Variants in GALNT7 observed in about 807,000 individuals in gnomAD.
GALNT7 encodes the protein N-acetylgalactosaminyltransferase 7.
GALNT7 carries 60 observed loss-of-function variants against 82.1 expected under a neutral mutation model. That is an observed-to-expected ratio of 0.73 (90% CI 0.59 to 0.91). The LOEUF is 0.91. GALNT7 is among the 40% of genes least tolerant of loss of function. The probability of loss-of-function intolerance (pLI) is 0.00; values close to 1 mark genes in which losing one functional copy is unlikely to be tolerated. For synonymous variants in GALNT7, 243 were observed against 275.1 expected (o/e 0.88, Z 1.15); for missense variants, 660 against 804.2 (o/e 0.82, Z 2.17).
chr4:173,257,036 A>T (rs1735062449), intron 2 of GALNT7, among the ~76,000 whole-genome samples: 1 of 152,230 alleles, frequency 6.6e-6, no homozygotes, highest in Non-Finnish European at 1.5e-5. Flanking sequence ...AAAACTCCAG[A>T]TGACTTCACT....
chr4:173,232,596 C>A (rs1468804901), intron 1 of GALNT7, among the ~76,000 whole-genome samples: 1 of 151,892 alleles, frequency 6.6e-6, no homozygotes, highest in African/African-American at 2.4e-5. Flanking sequence ...CCATGCCCTG[C>A]TGATTTAAAA....
At chr4:173,173,398 G>C (rs953192100) in intron 1 of GALNT7, among the ~76,000 whole-genome samples, 7 of 152,128 alleles carry the variant, frequency 4.6e-5, no homozygotes, top group Non-Finnish European at 8.8e-5. Flanking sequence ...CTGAGTGACT[G>C]TCTACAGTTG....
intron 1 of GALNT7, among the ~76,000 whole-genome samples, chr4:173,180,371 A>C (rs1220952872): frequency 4.5e-5 from 6 of 133,912 alleles, no homozygotes; most frequent in Non-Finnish European, 9.1e-5. Context: ...GTTGTCATGC[A>C]GGCCGGAGTG....
intron 1 of GALNT7, among the ~76,000 whole-genome samples, chr4:173,245,481 T>C (rs1734592549): frequency 6.6e-6 from 1 of 152,186 alleles, no homozygotes; most frequent in Non-Finnish European, 1.5e-5. Flanking sequence ...TGACATCATA[T>C]GAGCTGTTCC....
rs140065877 is a variant in GALNT7 at position 173,253,852 on chromosome 4, G to C, written c.587+5412G>C. On this transcript the variant is annotated intron_variant, in intron 2 of 11. Transcript: ENST00000265000. Reference sequence around the variant, plus strand: ...TGGGAAGAAGTAGAAAATTCTGTTTGTGGATAGGTTAGATTTTCTTCTGAT... The same window carrying C: ...TGGGAAGAAGTAGAAAATTCTGTTTCTGGATAGGTTAGATTTTCTTCTGAT... 6.8e-3 allele frequency among the ~76,000 whole-genome samples: 1,032 copies of C among 152,320 alleles called. 11 individuals are homozygous for C. Among genetic ancestry groups the C allele is most frequent in the South Asian group, 0.038 (184 of 4,830 alleles).
In GALNT7 at chr4:173,295,452, G is replaced by A. The variant is rs150099323; in HGVS notation, c.811G>A (p.Val271Ile). Residue 271 changes from valine to isoleucine, a missense_variant, in exon 4 of 12, where the codon GTA becomes ATA. Physicochemically the swap from Val to Ile is conservative, Grantham distance 29. This residue lies in a region of GALNT7 where 527 missense variants were observed against 683.5 expected (regional missense o/e 0.77). Transcript: ENST00000265000. ...TAAGCTGTGGAATGGCCTAGTGAAGGTATTTCGAAATGAAAGAAGGGAAGG... is the reference window on the plus strand; with the variant it reads ...TAAGCTGTGGAATGGCCTAGTGAAGATATTTCGAAATGAAAGAAGGGAAGG... ...YIKLWNGLVK[V>I]FRNERREGLI... The A allele has an allele frequency of 5.7e-5, 92 of 1,608,760 alleles. No homozygotes were observed. Among genetic ancestry groups the A allele is most frequent in the Non-Finnish European group, 7.6e-5 (89 of 1,175,276 alleles).
intron 1 of GALNT7, among the ~76,000 whole-genome samples, chr4:173,244,642 T>C (rs182193985): frequency 6.6e-6 from 1 of 152,288 alleles, no homozygotes; most frequent in Admixed American, 6.5e-5. Context: ...TTAATGTATG[T>C]GAAGCACTTA....
intron 1 of GALNT7, among the ~76,000 whole-genome samples, chr4:173,230,552 T>C (rs1733996261): frequency 6.6e-6 from 1 of 152,192 alleles, no homozygotes; most frequent in African/African-American, 2.4e-5. Context: ...AATATGAGTA[T>C]AATCTGTTTA....
At chr4:173,274,504 G>A (rs1735832109) in intron 2 of GALNT7, among the ~76,000 whole-genome samples, 2 of 152,064 alleles carry the variant, frequency 1.3e-5, no homozygotes, top group South Asian at 4.1e-4. Context: ...TAGAGTCAAA[G>A]GATTCATTTT....
chr4:173,176,439 T>C (rs1579877718), intron 1 of GALNT7, among the ~76,000 whole-genome samples: 1 of 152,356 alleles, frequency 6.6e-6, no homozygotes, highest in South Asian at 2.1e-4. Flanking sequence ...TATTATCCTT[T>C]CACTCTCAGA....
chr4:173,192,590 C>T (rs936356010), intron 1 of GALNT7, among the ~76,000 whole-genome samples: 3 of 152,220 alleles, frequency 2.0e-5, no homozygotes, highest in Non-Finnish European at 2.9e-5. Context: ...TTCATATGTA[C>T]ACTCGAGTTC....
At chr4:173,235,336 T>C (rs912108159) in intron 1 of GALNT7, among the ~76,000 whole-genome samples, 2 of 152,186 alleles carry the variant, frequency 1.3e-5, no homozygotes, top group African/African-American at 4.8e-5. Flanking sequence ...AGCTACTACC[T>C]AATCTTCAGC....
intron 2 of GALNT7, among the ~76,000 whole-genome samples, chr4:173,262,353 G>C (rs770923296): frequency 1.1e-4 from 16 of 152,158 alleles, no homozygotes; most frequent in Non-Finnish European, 2.1e-4. Context: ...ACCATTGTAT[G>C]ATGCTGTAAT....
At chr4:173,288,626 A>C (rs1736427473) in intron 2 of GALNT7, among the ~76,000 whole-genome samples, 1 of 152,126 alleles carries the variant, frequency 6.6e-6, no homozygotes, top group South Asian at 2.1e-4. Flanking sequence ...GAAACTGTTT[A>C]AATTCATTGG....
At chr4:173,195,074 T>C (rs989997011) in intron 1 of GALNT7, among the ~76,000 whole-genome samples, 1 of 152,226 alleles carries the variant, frequency 6.6e-6, no homozygotes, top group East Asian at 1.9e-4. Flanking sequence ...CACACACACA[T>C]AAAGTCTTTA....
intron 1 of GALNT7, among the ~76,000 whole-genome samples, chr4:173,239,172 G>C (rs1267962145): frequency 6.6e-6 from 1 of 152,156 alleles, no homozygotes; most frequent in Admixed American, 6.5e-5. Flanking sequence ...CTGAGGAAGA[G>C]AAGAAACTAA....
intron 2 of GALNT7, among the ~76,000 whole-genome samples, chr4:173,248,921 A>G (rs1400119349): frequency 6.1e-5 from 3 of 49,278 alleles, no homozygotes; most frequent in African/African-American, 8.4e-5. Flanking sequence ...AACTAGATTT[A>G]TGTTTCCTTT....
chr4:173,274,163 T>A (rs1735821493), intron 2 of GALNT7, among the ~76,000 whole-genome samples: 1 of 151,946 alleles, frequency 6.6e-6, no homozygotes, highest in African/African-American at 2.4e-5. Context: ...CCCTGCCAGA[T>A]TTTTTTTCTC....
intron 6 of GALNT7, among the ~76,000 whole-genome samples, chr4:173,299,827 C>G (rs1736852487): frequency 6.7e-6 from 1 of 150,128 alleles, no homozygotes; most frequent in Non-Finnish European, 1.5e-5. Flanking sequence ...GCCTGGGCAA[C>G]AGAGTAAGAC....
Sources: allele counts gnomAD v4.1 joint callset (sites outside exome capture counted in the v4.1 genomes callset), GRCh38; gene constraint gnomAD v4.1.1; regional missense constraint gnomAD v4.1.1; transcripts MANE v1.5; gene names NCBI Gene and HGNC (gene_info 2026-07-23, HGNC 2026-07-21).